The following PCDH15 variants were observed in gnomAD, a reference collection of about 807,000 sequenced individuals.
PCDH15 encodes the protein protocadherin-15.
In PCDH15, 129 loss-of-function variants were observed where a neutral mutation model predicts 178.5. The ratio of observed to expected loss-of-function variants is 0.72; its 90% CI spans 0.63 to 0.84. The LOEUF (loss-of-function observed/expected upper bound fraction) is 0.84. Ranked by LOEUF, PCDH15 falls within the 40% of genes least tolerant of loss-of-function variation. PCDH15 has a pLI of 0.00. For missense variants in PCDH15, 2,230 were observed against 2,099.9 expected (o/e 1.06, Z -1.21); for synonymous variants, 800 against 732.0 (o/e 1.09, Z -1.50).
At chr10:53,882,678 T>A (rs977316486) in intron 26 of PCDH15, among the ~76,000 whole-genome samples, 3 of 152,198 alleles carry the variant, frequency 2.0e-5, no homozygotes, top group African/African-American at 7.2e-5. Context: ...TGCTATTTTT[T>A]AAAAATATGG....
chr10:54,061,679 T>C (rs2094016680), intron 18 of PCDH15, among the ~76,000 whole-genome samples: 1 of 152,164 alleles, frequency 6.6e-6, no homozygotes, highest in Admixed American at 6.5e-5. Flanking sequence ...CATTTGACAC[T>C]TGACACAGAG....
At chr10:55,132,112 A>G (rs969257870) in intron 2 of PCDH15, among the ~76,000 whole-genome samples, 2 of 152,130 alleles carry the variant, frequency 1.3e-5, no homozygotes, top group African/African-American at 4.8e-5. Context: ...AGCTCCATGG[A>G]GTGTGTAGCC....
At chr10:54,607,514 T>C (rs35487683) in intron 2 of PCDH15, among the ~76,000 whole-genome samples, 7,836 of 152,142 alleles carry the variant, frequency 0.052, 290 homozygotes, top group Non-Finnish European at 0.082. Context: ...CTCAGAGACC[T>C]CTCAATTCCT....
At chr10:55,451,898 G>A (rs528485755) in intron 2 of PCDH15, among the ~76,000 whole-genome samples, 37 of 152,248 alleles carry the variant, frequency 2.4e-4, no homozygotes, top group African/African-American at 8.9e-4. Context: ...CTCAAGATAG[G>A]TCTCTGTTCT....
chr10:53,848,888 A>T (rs1278699397), intron 28 of PCDH15, among the ~76,000 whole-genome samples: 5 of 152,152 alleles, frequency 3.3e-5, no homozygotes, highest in African/African-American at 9.6e-5. Context: ...TAGTGCAAAT[A>T]AAGGCAACAT....
intron 3 of PCDH15, among the ~76,000 whole-genome samples, chr10:54,453,657 T>A (rs202122779): frequency 4.9e-4 from 72 of 148,368 alleles, no homozygotes; most frequent in East Asian, 1.6e-3. Flanking sequence ...AGTATAATTT[T>A]AAAAAAAAGA....
At chr10:54,214,288 G>A (rs1356504285) in intron 9 of PCDH15, among the ~76,000 whole-genome samples, 2 of 151,926 alleles carry the variant, frequency 1.3e-5, no homozygotes, top group African/African-American at 2.4e-5. Context: ...TTTATTAAGA[G>A]GGCTCTAATT....
rs529212496 is a variant in PCDH15 at position 54,291,537 on chromosome 10, GT to G, written c.876+25733del. ...CAAAAATCAGTGAATCCAGGAGCTGGTTTTTTGAAAGGACCAACAAAATTGA... is the reference window on the plus strand; with the variant it reads ...CAAAAATCAGTGAATCCAGGAGCTGGTTTTTGAAAGGACCAACAAAATTGA... On this transcript the variant is annotated intron_variant, in intron 8 of 37. Coordinates refer to ENST00000644397, the MANE Select transcript of PCDH15 (RefSeq NM_001384140.1). Among the ~76,000 whole-genome samples the G allele has an allele frequency of 2.0e-4, 31 of 152,244 alleles. No individual in the cohort carries two copies. In the South Asian group the frequency reaches 6.4e-3, roughly 32 times the overall value.
chr10:55,249,436 T>C (rs1208056868), intron 1 of PCDH15, among the ~76,000 whole-genome samples: 1 of 152,158 alleles, frequency 6.6e-6, no homozygotes, highest in Non-Finnish European at 1.5e-5. Flanking sequence ...CAATATTTAA[T>C]ACTCTAAAAA....
intron 2 of PCDH15, among the ~76,000 whole-genome samples, chr10:55,344,511 A>G (rs987040412): frequency 6.6e-6 from 1 of 152,120 alleles, no homozygotes; most frequent in African/African-American, 2.4e-5. Flanking sequence ...ACTTTTCACT[A>G]ACAGATTTTA....
At chr10:54,092,245 G>A (rs898426451) in intron 15 of PCDH15, among the ~76,000 whole-genome samples, 1 of 152,090 alleles carries the variant, frequency 6.6e-6, no homozygotes, top group Admixed American at 6.6e-5. Context: ...AATATCTGCT[G>A]TATCTGGCTG....
At chr10:54,491,331 T>TAA (rs71461245) in intron 3 of PCDH15, among the ~76,000 whole-genome samples, 161 of 142,074 alleles carry the variant, frequency 1.1e-3, no homozygotes, top group East Asian at 0.01. Context: ...AAAGAAAAGT[T>TAA]AAAAAAAAAA....
chr10:55,565,997 T>C (rs1164147170), intron 2 of PCDH15, among the ~76,000 whole-genome samples: 1 of 151,594 alleles, frequency 6.6e-6, no homozygotes, highest in Admixed American at 6.6e-5. Context: ...AAGACATCAT[T>C]ACCCTAATAC....
At chr10:55,071,999 TG>T (rs567075946) in intron 2 of PCDH15, among the ~76,000 whole-genome samples, 10,210 of 152,088 alleles carry the variant, frequency 0.067, 453 homozygotes, top group African/African-American at 0.11. Flanking sequence ...GAATGACTAC[TG>T]GGTACCTAAC....
intron 3 of PCDH15, among the ~76,000 whole-genome samples, chr10:54,851,554 T>C (rs1953621533): frequency 6.6e-6 from 1 of 152,168 alleles, no homozygotes; most frequent in Non-Finnish European, 1.5e-5. Context: ...TTATTACTGG[T>C]TAAAATATAT....
chr10:54,714,402 AG>A (rs2095456402), intron 1 of PCDH15, among the ~76,000 whole-genome samples: 1 of 152,178 alleles, frequency 6.6e-6, no homozygotes, highest in Non-Finnish European at 1.5e-5. Flanking sequence ...CGCAATGTAT[AG>A]GTTCATACAT....
At position 54,421,816 on chromosome 10, in the gene PCDH15, G is replaced by GTATA. The variant is rs71185272; in HGVS notation, c.158-42878_158-42875dup. ...TTATATAGGTACATGTGTAGTGTGT[G>GTATA]TATATATATATATATATATATACAC... On this transcript the variant is annotated intron_variant, in intron 3 of 37. Transcript: ENST00000644397. Among the ~76,000 whole-genome samples, 17 of 107,962 alleles carry GTATA rather than the reference G, an allele frequency of 1.6e-4. 1 individual carries two copies. In the South Asian group the frequency reaches 2.4e-3, roughly 15 times the overall value. 70.8% of individuals were successfully genotyped at this position (107,962 alleles called of 152,430 possible).
chr10:54,449,708 A>G (rs2076349459), intron 3 of PCDH15, among the ~76,000 whole-genome samples: 2 of 151,902 alleles, frequency 1.3e-5, no homozygotes, highest in Admixed American at 6.6e-5. Context: ...TTTACATTGC[A>G]TTAAGTATTA....
At chr10:54,454,106 T>C (rs978396640) in intron 3 of PCDH15, among the ~76,000 whole-genome samples, 1 of 150,130 alleles carries the variant, frequency 6.7e-6, no homozygotes, top group Non-Finnish European at 1.5e-5. Flanking sequence ...TATATATTTA[T>C]AAATATAAAA....
Sources: allele counts gnomAD v4.1 joint callset (sites outside exome capture counted in the v4.1 genomes callset), GRCh38; gene constraint gnomAD v4.1.1; transcripts MANE v1.5; gene names NCBI Gene and HGNC (gene_info 2026-07-23, HGNC 2026-07-21).